CACNA2D3: variants seen among roughly 807,000 people sequenced by gnomAD.
CACNA2D3 encodes calcium voltage-gated channel auxiliary subunit alpha2delta 3.
CACNA2D3 carries 60 observed loss-of-function variants against 160.6 expected under a neutral mutation model. The ratio of observed to expected loss-of-function variants is 0.37; its 90% confidence interval spans 0.30 to 0.46. CACNA2D3 has a LOEUF of 0.46. Ranked by LOEUF, CACNA2D3 falls within the 20% of genes least tolerant of loss-of-function variation. CACNA2D3 has a pLI of 1.00. For missense variants in CACNA2D3, 1,205 were observed against 1,365.0 expected, an observed-to-expected ratio of 0.88 and a Z score of 1.85; for synonymous variants, 558 against 492.9, an observed-to-expected ratio of 1.13 and a Z score of -1.75.
At chr3:54,551,224 T>C (rs1317034214) in intron 5 of CACNA2D3, among the ~76,000 whole-genome samples, 1 of 152,202 alleles carries the variant, frequency 6.6e-6, no homozygotes, top group Admixed American at 6.5e-5. Context: ...ACCCCATGCC[T>C]CTGCGTTCTG....
At chr3:54,583,109 C>G (rs919125950) in intron 9 of CACNA2D3, among the ~76,000 whole-genome samples, 1 of 152,052 alleles carries the variant, frequency 6.6e-6, no homozygotes, top group Non-Finnish European at 1.5e-5. Flanking sequence ...CGTTGTTTGG[C>G]CATTGTGTAA....
intron 4 of CACNA2D3, among the ~76,000 whole-genome samples, chr3:54,451,229 CTTTTTTTTTT>C (rs71074970): frequency 7.4e-3 from 384 of 51,734 alleles, no homozygotes; most frequent in African/African-American, 0.026. Context: ...ATATAATAAT[CTTTTTTTTTT>C]TTTTTTTTTT....
At chr3:54,188,079 C>A (rs1220367886) in intron 2 of CACNA2D3, among the ~76,000 whole-genome samples, 2 of 152,118 alleles carry the variant, frequency 1.3e-5, no homozygotes, top group Non-Finnish European at 2.9e-5. Context: ...ATGTGCTCCC[C>A]CAACCAGCTG....
At chr3:54,885,427 C>G (rs936255367) in intron 22 of CACNA2D3, 62 bp from the exon 23 acceptor site, 1 of 1,597,332 alleles carries the variant, frequency 6.3e-7, no homozygotes, top group East Asian at 2.2e-5. Context: ...GATTCCAAGG[C>G]AAAGGAAGCA....
chr3:54,412,121 T>G (rs948294836), intron 4 of CACNA2D3, among the ~76,000 whole-genome samples: 1 of 152,208 alleles, frequency 6.6e-6, no homozygotes, highest in Non-Finnish European at 1.5e-5. Context: ...TGTGTCTGGT[T>G]TCTTTTATTG....
intron 11 of CACNA2D3, among the ~76,000 whole-genome samples, chr3:54,742,585 A>G (rs778933916): frequency 6.6e-6 from 1 of 152,176 alleles, no homozygotes; most frequent in Non-Finnish European, 1.5e-5. Flanking sequence ...TCTGGCTTCC[A>G]TGAAATGATG....
rs150774190 is a variant in CACNA2D3 at position 54,685,132 on chromosome 3, C to T, written c.1167+42891C>T. On this transcript the variant is annotated intron_variant, in intron 11 of 37. Coordinates refer to ENST00000474759, the MANE Select transcript of CACNA2D3 (RefSeq NM_018398.3). ...GGGCATATTTCTGAGGGTGGTTCAA[C>T]AGCCGAAAAATGCAGAGGGATGGAC... 2.6e-3 allele frequency among the ~76,000 whole-genome samples: 397 copies of T among 152,238 alleles called. 3 individuals carry two copies. In the Middle Eastern group the frequency reaches 0.041, roughly 16 times the overall value.
At chr3:55,055,119 A>G (rs577159223) in intron 35 of CACNA2D3, among the ~76,000 whole-genome samples, 1 of 152,218 alleles carries the variant, frequency 6.6e-6, no homozygotes, top group East Asian at 1.9e-4. Context: ...TGTCAAATCC[A>G]AAGAATCATT....
chr3:54,354,100 T>A (rs2107535552), intron 3 of CACNA2D3, among the ~76,000 whole-genome samples: 1 of 152,312 alleles, frequency 6.6e-6, no homozygotes, highest in East Asian at 1.9e-4. Context: ...TTTCAACTTC[T>A]CACATGAATC....
intron 4 of CACNA2D3, among the ~76,000 whole-genome samples, chr3:54,405,469 G>A (rs985349127): frequency 2.0e-5 from 3 of 151,892 alleles, no homozygotes; most frequent in African/African-American, 7.3e-5. Context: ...ACACAATGGG[G>A]GAAAGAATAG....
At chr3:54,965,134 G>C (rs1244981862) in intron 27 of CACNA2D3, among the ~76,000 whole-genome samples, 1 of 152,184 alleles carries the variant, frequency 6.6e-6, no homozygotes, top group Non-Finnish European at 1.5e-5. Context: ...ACTCAGCTCT[G>C]CTATTGGAGT....
At chr3:54,883,829 T>TCTCTCTCTCTCTCTCTCTCCCTCC (rs753661413) in intron 21 of CACNA2D3, among the ~76,000 whole-genome samples, 1 of 145,704 alleles carries the variant, frequency 6.9e-6, no homozygotes, top group Admixed American at 6.9e-5. Flanking sequence ...CTCTCCTCTC[T>TCTCTCTCTCTCTCTCTCTCCCTCC]CTCCCTTCAA....
At chr3:54,236,186 C>G (rs192546230) in intron 2 of CACNA2D3, among the ~76,000 whole-genome samples, 1 of 152,152 alleles carries the variant, frequency 6.6e-6, no homozygotes, top group Non-Finnish European at 1.5e-5. Context: ...GAAACTGTCA[C>G]GGACAACAGG....
intron 2 of CACNA2D3, among the ~76,000 whole-genome samples, chr3:54,148,279 A>G (rs1331703719): frequency 1.3e-5 from 2 of 152,210 alleles, no homozygotes; most frequent in Non-Finnish European, 2.9e-5. Context: ...ATGTGGAGGG[A>G]CAGGTAGACA....
At chr3:54,172,599 G>A (rs1389659792) in intron 2 of CACNA2D3, among the ~76,000 whole-genome samples, 3 of 152,194 alleles carry the variant, frequency 2.0e-5, no homozygotes, top group Non-Finnish European at 2.9e-5. Context: ...GTAAACCTTA[G>A]TTCTAGAATA....
intron 5 of CACNA2D3, among the ~76,000 whole-genome samples, chr3:54,558,650 A>G (rs1409556074): frequency 6.6e-6 from 1 of 152,086 alleles, no homozygotes; most frequent in African/African-American, 2.4e-5. Context: ...GCTCCCACTT[A>G]TAAGTGAGAA....
At chr3:54,477,706 C>T (rs1460283595) in intron 4 of CACNA2D3, among the ~76,000 whole-genome samples, 1 of 152,182 alleles carries the variant, frequency 6.6e-6, no homozygotes. Flanking sequence ...TGTCCTCTGG[C>T]TCCAGGTGTC....
chr3:54,665,548 CTA>C, intron 11 of CACNA2D3, among the ~76,000 whole-genome samples: 1 of 1,858 alleles, frequency 5.4e-4, no homozygotes, highest in African/African-American at 4.1e-3. Flanking sequence ...GCTCCATATA[CTA>C]CTGTGTAAAT....
chr3:55,033,799 TATA>T lies in CACNA2D3; in HGVS notation c.2987+15486_2987+15488del, dbSNP rs1412106676. 3.1e-5 allele frequency among the ~76,000 whole-genome samples: 4 copies of T among 127,774 alleles called. 1 individual carries two copies. Among genetic ancestry groups the T allele is most frequent in the Admixed American group, 8.7e-5 (1 of 11,492 alleles). The allele number at this position is 127,774 out of a possible 152,430, so 83.8% of individuals were successfully genotyped here. On this transcript the variant is annotated intron_variant, in intron 35 of 37. Coordinates refer to ENST00000474759, the MANE Select transcript of CACNA2D3 (RefSeq NM_018398.3). ...TGTATTATATATTAAATATATTTTA[TATA>T]ATATGTATTATATATTAAATATATT...
Sources: gnomAD v4.1 joint callset for allele counts (sites outside exome capture counted in the v4.1 genomes callset) on GRCh38, gnomAD v4.1.1 for gene constraint, MANE v1.5 for transcripts, NCBI Gene and HGNC (gene_info 2026-07-23, HGNC 2026-07-21) for gene names.